DRC9: variants seen among roughly 807,000 people sequenced by gnomAD.
DRC9 encodes dynein regulatory complex protein 9.
chr3:197,950,075 T>C, the DRC9 span: 4 of 1,182,706 alleles, frequency 3.4e-6, no homozygotes, highest in Non-Finnish European at 4.2e-6. Flanking sequence ...GTGGCTTATT[T>C]CAGTGCGAAG....
the DRC9 span, among the ~76,000 whole-genome samples, chr3:197,945,030 A>G: frequency 6.6e-6 from 1 of 152,200 alleles, no homozygotes; most frequent in South Asian, 2.1e-4. Context: ...TGTGGTATCC[A>G]GCCTCCAAGG....
the DRC9 span, among the ~76,000 whole-genome samples, chr3:197,939,252 T>C: frequency 6.6e-6 from 1 of 152,196 alleles, no homozygotes; most frequent in Non-Finnish European, 1.5e-5. Flanking sequence ...ATGACTAGCA[T>C]ATAGCAGAGA....
At chr3:197,917,690 C>A in the DRC9 span, among the ~76,000 whole-genome samples, 2 of 151,202 alleles carry the variant, frequency 1.3e-5, no homozygotes, top group East Asian at 3.9e-4. Context: ...TCCATTCTTT[C>A]TATACGCACT....
chr3:197,931,355 G>A, the DRC9 span, among the ~76,000 whole-genome samples: 3 of 151,864 alleles, frequency 2.0e-5, no homozygotes, highest in Non-Finnish European at 4.4e-5. Flanking sequence ...GGTGGCAGGC[G>A]CCTGTAATCC....
At chr3:197,910,935 G>A in the DRC9 span, among the ~76,000 whole-genome samples, 5 of 147,768 alleles carry the variant, frequency 3.4e-5, no homozygotes, top group African/African-American at 1.3e-4. Context: ...TCACGCCACT[G>A]CACTCCAGCC....
the DRC9 span, chr3:197,944,052 C>A: frequency 6.2e-7 from 1 of 1,608,322 alleles, no homozygotes; most frequent in Non-Finnish European, 8.5e-7. Context: ...CAGGCTGTCT[C>A]TAAGGAAAGA....
At chr3:197,951,143 ATC>A in the DRC9 span, 1 of 1,613,986 alleles carries the variant, frequency 6.2e-7, no homozygotes. Flanking sequence ...CATGTTGTGT[ATC>A]TTTTGTGTCT....
the DRC9 span, among the ~76,000 whole-genome samples, chr3:197,935,282 A>C: frequency 2.6e-5 from 4 of 152,022 alleles, no homozygotes; most frequent in Non-Finnish European, 5.9e-5. Flanking sequence ...CTCTACTAAA[A>C]ATACAAAATT....
chr3:197,940,358 A>G, the DRC9 span, among the ~76,000 whole-genome samples: 1 of 151,034 alleles, frequency 6.6e-6, no homozygotes, highest in African/African-American at 2.4e-5. Flanking sequence ...TGCTATGTAC[A>G]AGATAGGGTT....
At chr3:197,909,021 G>T in the DRC9 span, among the ~76,000 whole-genome samples, 1 of 152,250 alleles carries the variant, frequency 6.6e-6, no homozygotes, top group Non-Finnish European at 1.5e-5. Flanking sequence ...GACACAGGAG[G>T]GCAGGGTACT....
At chr3:197,889,410 T>C in the DRC9 span, 1 of 753,288 alleles carries the variant, frequency 1.3e-6, no homozygotes, top group Non-Finnish European at 2.2e-6. Context: ...AAAACCCACC[T>C]AACAGGCAGA....
the DRC9 span, among the ~76,000 whole-genome samples, chr3:197,952,162 GTTTTTTTTTTTTTTTTT>G: frequency 2.4e-5 from 2 of 83,860 alleles, no homozygotes; most frequent in East Asian, 4.0e-4. Flanking sequence ...AAAATTATGG[GTTTTTTTTTTTTTTTTT>G]TTTTTTTTTG....
At chr3:197,937,438 CA>C in the DRC9 span, among the ~76,000 whole-genome samples, 1 of 151,658 alleles carries the variant, frequency 6.6e-6, no homozygotes, top group Non-Finnish European at 1.5e-5. Context: ...ACTAAGGTTG[CA>C]AGGTTGCTAT....
chr3:197,895,329 G>A, the DRC9 span, among the ~76,000 whole-genome samples: 1 of 152,060 alleles, frequency 6.6e-6, no homozygotes, highest in Non-Finnish European at 1.5e-5. Context: ...GAGTACAATG[G>A]CACAATCTTA....
At chr3:197,927,276 G>C in the DRC9 span, among the ~76,000 whole-genome samples, 1 of 152,102 alleles carries the variant, frequency 6.6e-6, no homozygotes, top group Non-Finnish European at 1.5e-5. Flanking sequence ...CTCCAGGCTG[G>C]AGTGCAGTGG....
At chr3:197,904,035 C>T in the DRC9 span, among the ~76,000 whole-genome samples, 7 of 72,150 alleles carry the variant, frequency 9.7e-5, no homozygotes, top group South Asian at 8.1e-4. Context: ...TATATATATA[C>T]ATACATATAT....
chr3:197,947,793 T>C, the DRC9 span, among the ~76,000 whole-genome samples: 274 of 152,240 alleles, frequency 1.8e-3, 2 homozygotes, highest in African/African-American at 6.5e-3. Context: ...AATTGGTTGG[T>C]TATGTTCCTC....
chr3:197,943,781 G>GCAGATGCT, the DRC9 span: 1 of 1,613,768 alleles, frequency 6.2e-7, no homozygotes, highest in Non-Finnish European at 8.5e-7. Flanking sequence ...TCTATACCAC[G>GCAGATGCT]CAGATGCTCT....
chr3:197,900,008 C>T, the DRC9 span, among the ~76,000 whole-genome samples: 3 of 152,068 alleles, frequency 2.0e-5, no homozygotes, highest in Admixed American at 6.6e-5. This position sits in a 1 kb window ranked among gnomAD's most constrained non-coding sequence, Gnocchi z 4.7. Flanking sequence ...TCAGTGCTGC[C>T]GTCACAGTGG....
Sources: gnomAD v4.1 joint callset for allele counts (sites outside exome capture counted in the v4.1 genomes callset) on GRCh38, gnomAD v4.1.1 for gene constraint, Gnocchi (gnomAD v3.1) non-coding constraint, MANE v1.5 for transcripts, NCBI Gene and HGNC (gene_info 2026-07-23, HGNC 2026-07-21) for gene names.